The following KIF3C variants were observed in gnomAD, a reference collection of about 807,000 sequenced individuals.
KIF3C encodes the protein kinesin family member 3C, also known as kinesin-like protein KIF3C.
In KIF3C, 12 loss-of-function variants were observed where a neutral mutation model predicts 67.7. The ratio of observed to expected loss-of-function variants is 0.18; its 90% CI spans 0.11 to 0.29. The LOEUF (loss-of-function observed/expected upper bound fraction) is 0.29, where lower values mean the gene tolerates loss of function less well. KIF3C is among the 10% of genes least tolerant of loss of function. The probability of loss-of-function intolerance (pLI) is 1.00; values close to 1 mark genes in which losing one functional copy is unlikely to be tolerated. For missense variants in KIF3C, 789 were observed against 1,059.6 expected (o/e 0.74, Z 3.55); for synonymous variants, 393 against 426.2 (o/e 0.92, Z 0.96).
chr2:25,974,810 T>C (rs940657394), intron 1 of KIF3C, among the ~76,000 whole-genome samples: 6 of 151,994 alleles, frequency 3.9e-5, no homozygotes, highest in Non-Finnish European at 8.8e-5. Flanking sequence ...GTGGATCACC[T>C]GAGGTCAGGA....
chr2:25,954,127 T>A, intron 4 of KIF3C, 140 bp downstream of exon 4: 1 of 700,180 alleles, frequency 1.4e-6, no homozygotes, highest in East Asian at 2.5e-5. Flanking sequence ...CGTGGGCCCA[T>A]CCCTCAGCCC....
chr2:25,945,709 C>T (rs1462354542), intron 5 of KIF3C, among the ~76,000 whole-genome samples: 1 of 151,626 alleles, frequency 6.6e-6, no homozygotes, highest in Non-Finnish European at 1.5e-5. Context: ...GGCAACACAG[C>T]GAGCTATCAT....
intron 5 of KIF3C, among the ~76,000 whole-genome samples, chr2:25,950,364 C>A (rs986229656): frequency 8.6e-5 from 13 of 151,626 alleles, no homozygotes; most frequent in African/African-American, 2.4e-4. Flanking sequence ...ATTACAGGCG[C>A]CTGCCACCAC....
intron 5 of KIF3C, among the ~76,000 whole-genome samples, chr2:25,939,259 C>A (rs1195343284): frequency 1.3e-5 from 2 of 152,120 alleles, no homozygotes; most frequent in African/African-American, 2.4e-5. Context: ...TGAGCCACCG[C>A]GGCTGGCCTC....
chr2:25,948,831 G>A (rs572097063), intron 5 of KIF3C, among the ~76,000 whole-genome samples: 25 of 152,158 alleles, frequency 1.6e-4, no homozygotes, highest in Admixed American at 2.0e-4. Context: ...CACACTTTGA[G>A]TCTGGATCAT....
At chr2:25,961,874 C>T (rs780128761) in intron 1 of KIF3C, among the ~76,000 whole-genome samples, 3 of 149,920 alleles carry the variant, frequency 2.0e-5, no homozygotes, top group East Asian at 1.9e-4. Context: ...CGCTTGAACC[C>T]GAGGCGGAGG....
rs1664542113 is a variant in KIF3C at position 25,980,621 on chromosome 2, C to T, written c.1297G>A (p.Glu433Lys). The T allele has an allele frequency of 1.2e-6, 2 of 1,613,974 alleles. No homozygotes were observed. Among genetic ancestry groups the T allele is most frequent in the African/African-American group, 2.7e-5 (2 of 74,926 alleles). ...EGPVIEAWVAEEEDDNNNNHR... is the reference protein window; with the variant it reads ...EGPVIEAWVAKEEDDNNNNHR... The stretch of plus-strand genomic sequence containing the variant: ...TTGTTGTTGTTGTCATCCTCCTCTT[C>T]TGCCACCCAGGCCTCAATCACTGGG... Residue 433 changes from glutamate (E) to lysine (K), a missense_variant, in exon 1 of 8, where the codon GAA (glutamate) becomes AAA (lysine). By Grantham distance (56) the Glu-to-Lys change is moderately conservative. Coordinates refer to ENST00000264712, the MANE Select transcript of KIF3C (RefSeq NM_002254.8). This position sits in a 1 kb window ranked among gnomAD's most constrained non-coding sequence, Gnocchi z 7.6.
At chr2:25,954,408 C>G in intron 3 of KIF3C, 23 bp from the exon 4 acceptor site, 1 of 1,588,124 alleles carries the variant, frequency 6.3e-7, no homozygotes, top group Non-Finnish European at 8.6e-7. Flanking sequence ...AGGTGCCACT[C>G]AGAGGCTGCT....
At position 25,957,433 on chromosome 2, in the gene KIF3C, TG is replaced by T. The variant is rs1663834064; in HGVS notation, c.1546-990del. 1.3e-5 allele frequency among the ~76,000 whole-genome samples: 2 copies of T among 152,138 alleles called. 1 individual carries two copies. Among genetic ancestry groups the T allele is most frequent in the Admixed American group, 1.3e-4 (2 of 15,278 alleles). On this transcript the variant is annotated intron_variant, in intron 1 of 7. Transcript: ENST00000264712. Reference sequence around the variant, plus strand: ...GTCGGCAGCCTTTCAAAACCTATTCTGGTTTGGGGGGGTGCCCGATTTGAAA... The same window carrying T: ...GTCGGCAGCCTTTCAAAACCTATTCTGTTTGGGGGGGTGCCCGATTTGAAA...
intron 1 of KIF3C, among the ~76,000 whole-genome samples, chr2:25,965,901 C>A (rs1409751545): frequency 6.6e-6 from 1 of 151,972 alleles, no homozygotes; most frequent in Non-Finnish European, 1.5e-5. Flanking sequence ...ACTAAAAGGC[C>A]AGCACAGGCT....
chr2:25,963,194 A>ATTTTT (rs1178352678), intron 1 of KIF3C, among the ~76,000 whole-genome samples: 1 of 52,860 alleles, frequency 1.9e-5, no homozygotes, highest in Non-Finnish European at 2.9e-5. Flanking sequence ...ATATATATAT[A>ATTTTT]TATTTTTTTT....
intron 5 of KIF3C, chr2:25,938,256 A>G (rs1226803923): frequency 2.2e-6 from 1 of 451,492 alleles, no homozygotes; most frequent in African/African-American, 2.0e-5. Context: ...GCTACTGAGG[A>G]GGTTACTCAG....
At chr2:25,929,534 G>C (rs1297751847) in intron 6 of KIF3C, 57 bp from the exon 7 acceptor site, 1 of 1,508,786 alleles carries the variant, frequency 6.6e-7, no homozygotes, top group Admixed American at 1.7e-5. Context: ...TGCCTTCTAG[G>C]GACTCAGCCA....
chr2:25,953,672 G>GTT (rs70950142), intron 4 of KIF3C, among the ~76,000 whole-genome samples: 91 of 99,622 alleles, frequency 9.1e-4, no homozygotes, highest in Admixed American at 1.5e-3. Flanking sequence ...TTTTGTTTTT[G>GTT]TTTTTTTTTT....
intron 1 of KIF3C, among the ~76,000 whole-genome samples, chr2:25,956,753 T>TGGG (rs1553715339): frequency 6.6e-6 from 1 of 152,050 alleles, no homozygotes; most frequent in Non-Finnish European, 1.5e-5. Context: ...AGGAGGAGGA[T>TGGG]GGGGGTGGCA....
Position 25,981,371 on chromosome 2 carries a change from A to G in KIF3C, c.547T>C (p.Phe183Leu), listed in dbSNP as rs754902078. The G allele has an allele frequency of 2.5e-6, 4 of 1,614,158 alleles. No individual in the cohort carries two copies. The Admixed American group carries it at 6.7e-5, about 27-fold the overall frequency. Residue 183 changes from phenylalanine to leucine, a missense_variant, in exon 1 of 8, where the codon TTC becomes CTC. Coordinates refer to ENST00000264712, the MANE Select transcript of KIF3C (RefSeq NM_002254.8). The surrounding 1 kb of genome is among the most constrained non-coding windows in gnomAD (Gnocchi z 8.2). ...TGVYIKDLSS[F>L]VTKNVKEIEH... ...ATCTCCTTGACATTCTTGGTGACGA[A>G]GGAGGAGAGGTCCTTGATGTAGACG...
rs1242406813 is a variant in KIF3C at position 25,958,097 on chromosome 2, C to G, written c.1546-1653G>C. 6.6e-6 allele frequency among the ~76,000 whole-genome samples: 1 copy of G among 152,166 alleles called. No individual in the cohort carries two copies. On this transcript the variant is annotated intron_variant, in intron 1 of 7. Coordinates refer to ENST00000264712, the MANE Select transcript of KIF3C (RefSeq NM_002254.8). This position sits in a 1 kb window ranked among gnomAD's most constrained non-coding sequence, Gnocchi z 4.5. ...CCTGCCTCTCATCCGTTGCATCTGG[C>G]CAGTGAGTCAAGGCCATCAAATCTG...
Position 25,981,351 on chromosome 2 carries a change from C to T in KIF3C, c.567G>A (p.Lys189=). 1 of 1,614,176 alleles carries T rather than the reference C, an allele frequency of 6.2e-7. No individual in the cohort carries two copies. The highest frequency in any genetic ancestry group is 1.3e-5 in the African/African-American group (1 of 75,038). Residue 189 remains lysine (K), a synonymous_variant, in exon 1 of 8, where the codon AAG becomes AAA. Coordinates refer to ENST00000264712, the MANE Select transcript of KIF3C (RefSeq NM_002254.8). This position sits in a 1 kb window ranked among gnomAD's most constrained non-coding sequence, Gnocchi z 8.2. ...DLSSFVTKNV[K]EIEHVMNLGN... is the part of the protein sequence containing the mutation. ...CCAGGTTCATCACATGCTCAATCTC[C>T]TTGACATTCTTGGTGACGAAGGAGG...
intron 5 of KIF3C, chr2:25,934,108 C>T (rs1450377505): frequency 2.1e-6 from 1 of 469,896 alleles, no homozygotes; most frequent in South Asian, 1.6e-5. Context: ...AGTGGAAGAA[C>T]TCAGTCGCAA....
Sources: gnomAD v4.1 joint callset for allele counts (sites outside exome capture counted in the v4.1 genomes callset) on GRCh38, gnomAD v4.1.1 for gene constraint, Gnocchi (gnomAD v3.1) non-coding constraint, MANE v1.5 for transcripts, NCBI Gene and HGNC (gene_info 2026-07-23, HGNC 2026-07-21) for gene names.